The following SMAD4 variants were observed in gnomAD, a reference collection of about 807,000 sequenced individuals.
SMAD4 encodes the protein MAD homolog 4.
A neutral mutation model predicts 63.2 loss-of-function variants in SMAD4; 7 were observed. The observed-to-expected ratio is 0.11, with a 90% CI of 0.06 to 0.21. SMAD4 has a LOEUF of 0.21. Ranked by LOEUF, SMAD4 falls within the 10% of genes least tolerant of loss-of-function variation. The probability of loss-of-function intolerance (pLI) is 1.00; values close to 1 mark genes in which losing one functional copy is unlikely to be tolerated. For synonymous variants in SMAD4, 215 were observed against 235.4 expected (o/e 0.91, Z 0.79); for missense variants, 312 against 693.8 (o/e 0.45, Z 6.18).
At chr18:51,065,357 G>T (rs2144445862) in intron 8 of SMAD4, 66 bp from the exon 9 acceptor site, 1 of 1,304,636 alleles carries the variant, frequency 7.7e-7, no homozygotes, top group South Asian at 1.2e-5. Flanking sequence ...ACTGTGTTGT[G>T]GAGTGCAAGT....
At chr18:51,062,841 G>A (rs1054971220) in intron 8 of SMAD4, among the ~76,000 whole-genome samples, 2 of 128,922 alleles carry the variant, frequency 1.6e-5, no homozygotes, top group African/African-American at 5.9e-5. Context: ...CTAGTAATCT[G>A]GCTTTACTTG....
Position 51,082,061 on chromosome 18 carries a change from C to T in SMAD4, c.*3594C>T, listed in dbSNP as rs548283262. ...TTGATAATTTCTAGTTTGCTCCCTT[C>T]GTTATTGCCAACTTTACTGGCATTT... On this transcript the variant is annotated 3_prime_UTR_variant, in exon 12 of 12. Coordinates refer to ENST00000342988, the MANE Select transcript of SMAD4 (RefSeq NM_005359.6). The T allele has an allele frequency of 2.2e-5, 5 of 230,592 alleles. No individual in the cohort carries two copies. The highest frequency in any genetic ancestry group is 1.8e-4 in the South Asian group (1 of 5,512). 14.3% of individuals were successfully genotyped at this position (230,592 alleles called of 1,614,324 possible).
At chr18:51,031,013 C>G (rs891150394) in intron 1 of SMAD4, among the ~76,000 whole-genome samples, 1 of 152,180 alleles carries the variant, frequency 6.6e-6, no homozygotes, top group African/African-American at 2.4e-5. Flanking sequence ...AATTGTTTGT[C>G]TAAATTTATT....
At chr18:51,065,395 G>T (rs2144446086) in intron 8 of SMAD4, 28 bp from the exon 9 acceptor site, 1 of 1,576,546 alleles carries the variant, frequency 6.3e-7, no homozygotes, top group Middle Eastern at 1.7e-4. Flanking sequence ...CTCATGGGAG[G>T]ATGTTCTTTC....
Position 51,084,214 on chromosome 18 carries a change from A to T in SMAD4, c.*5747A>T. 2 of 221,620 alleles carry T rather than the reference A, an allele frequency of 9.0e-6. No individual in the cohort carries two copies. The highest frequency in any genetic ancestry group is 1.8e-5 in the Non-Finnish European group (2 of 111,542). The allele number at this position is 221,620 out of a possible 1,614,324, so 13.7% of individuals were successfully genotyped here. On this transcript the variant is annotated 3_prime_UTR_variant, in exon 12 of 12. Transcript: ENST00000342988. ...CCCTCCTAAGTGGTGTGTGCTTGTA[A>T]TTTTTTTTTTCAGTGAAAATGGATT...
chr18:51,047,578 C>G (rs1325462231), intron 2 of SMAD4, among the ~76,000 whole-genome samples: 2 of 151,266 alleles, frequency 1.3e-5, no homozygotes, highest in Non-Finnish European at 2.9e-5. Context: ...ACCTTTAGCA[C>G]TTTGGTATTC....
chr18:51,041,589 A>C (rs1290845766), intron 1 of SMAD4, among the ~76,000 whole-genome samples: 1 of 152,198 alleles, frequency 6.6e-6, no homozygotes, highest in Non-Finnish European at 1.5e-5. Context: ...GTGTCCCCTG[A>C]GGGACAAAGT....
chr18:51,071,486 C>G (rs952491432), intron 10 of SMAD4, among the ~76,000 whole-genome samples: 1 of 152,178 alleles, frequency 6.6e-6, no homozygotes, highest in Non-Finnish European at 1.5e-5. Context: ...TGACATTTTA[C>G]AAGCTTTAAA....
At position 51,066,236 on chromosome 18, in the gene SMAD4, C is replaced by T. The variant is rs570579542; in HGVS notation, c.1139+630C>T. Among the ~76,000 whole-genome samples the T allele has an allele frequency of 1.4e-3, 216 of 150,710 alleles. 2 individuals are homozygous for T. The highest frequency in any genetic ancestry group is 1.8e-3 in the Non-Finnish European group (122 of 67,886). On this transcript the variant is annotated intron_variant, in intron 9 of 11. Transcript: ENST00000342988. ...GTGTCCACCTGTAATCCCAGCTACT[C>T]AGGAGGCTGAGACAGGAGAATTGCT...
intron 1 of SMAD4, among the ~76,000 whole-genome samples, chr18:51,031,339 A>G (rs1184714004): frequency 2.0e-5 from 3 of 152,242 alleles, no homozygotes; most frequent in Non-Finnish European, 2.9e-5. Flanking sequence ...TTTCAAAGAC[A>G]CAAGTGTGTT....
chr18:51,051,725 A>G (rs1350970264), intron 4 of SMAD4, among the ~76,000 whole-genome samples: 4 of 152,210 alleles, frequency 2.6e-5, no homozygotes, highest in Non-Finnish European at 1.5e-5. Context: ...GTGATGATAA[A>G]GAACACAGAC....
intron 1 of SMAD4, among the ~76,000 whole-genome samples, chr18:51,040,690 G>A (rs543439778): frequency 5.5e-4 from 84 of 152,194 alleles, no homozygotes; most frequent in Middle Eastern, 3.4e-3. Flanking sequence ...TGGCTTTCTC[G>A]TCCATTTATT....
intron 1 of SMAD4, among the ~76,000 whole-genome samples, chr18:51,040,515 A>G (rs1909344208): frequency 1.3e-5 from 2 of 152,240 alleles, no homozygotes; most frequent in Admixed American, 1.3e-4. Context: ...CTTCTAGAAA[A>G]TACATGTTTG....
At chr18:51,068,029 T>C (rs1284999177) in intron 10 of SMAD4, among the ~76,000 whole-genome samples, 1 of 152,192 alleles carries the variant, frequency 6.6e-6, no homozygotes, top group African/African-American at 2.4e-5. Context: ...ATCCTCAACA[T>C]TTTCATTGTC....
intron 10 of SMAD4, among the ~76,000 whole-genome samples, chr18:51,071,939 A>G (rs1163562072): frequency 6.6e-6 from 1 of 152,232 alleles, no homozygotes; most frequent in Non-Finnish European, 1.5e-5. Context: ...CATGTAGCAC[A>G]TACCAATTCT....
chr18:51,082,186 G>A lies in SMAD4; in HGVS notation c.*3719G>A, dbSNP rs1910626504. The stretch of plus-strand genomic sequence containing the variant: ...TCTAAAGCCAGTTAACAATTATTTT[G>A]TAGGTGGGGTACACTCAGCTTAAAG... On this transcript the variant is annotated 3_prime_UTR_variant, in exon 12 of 12. Coordinates refer to ENST00000342988, the MANE Select transcript of SMAD4 (RefSeq NM_005359.6). The A allele has an allele frequency of 4.4e-6, 1 of 229,882 alleles. No individual in the cohort carries two copies. The allele number at this position is 229,882 out of a possible 1,614,324, so 14.2% of individuals were successfully genotyped here.
At chr18:51,076,573 A>G in intron 10 of SMAD4, 65 bp from the exon 11 acceptor site, 1 of 1,444,248 alleles carries the variant, frequency 6.9e-7, no homozygotes, top group South Asian at 1.2e-5. Context: ...TAAGTCAGGC[A>G]TTGGTTTTTA....
intron 10 of SMAD4, among the ~76,000 whole-genome samples, chr18:51,075,580 A>G (rs930350030): frequency 6.6e-6 from 1 of 152,336 alleles, no homozygotes; most frequent in East Asian, 1.9e-4. Flanking sequence ...CTTTTTAAAA[A>G]TGCAAATAAA....
chr18:51,068,957 G>T (rs1910244786), intron 10 of SMAD4, among the ~76,000 whole-genome samples: 1 of 151,954 alleles, frequency 6.6e-6, no homozygotes, highest in Non-Finnish European at 1.5e-5. Context: ...CATAGACTAT[G>T]ATCTCATTTT....
Sources: gnomAD v4.1 joint callset for allele counts (sites outside exome capture counted in the v4.1 genomes callset) on GRCh38, gnomAD v4.1.1 for gene constraint, MANE v1.5 for transcripts, NCBI Gene and HGNC (gene_info 2026-07-23, HGNC 2026-07-21) for gene names.